The following RIN3 variants were observed in gnomAD, a reference collection of about 807,000 sequenced individuals.
RIN3 encodes the protein Ras and Rab interactor 3.
RIN3 carries 54 observed loss-of-function variants against 76.3 expected under a neutral mutation model. The ratio of observed to expected loss-of-function variants is 0.71; its 90% CI spans 0.57 to 0.89. RIN3 has a LOEUF of 0.89. Ranked by LOEUF, RIN3 falls within the 40% of genes least tolerant of loss-of-function variation. The pLI, the probability that RIN3 is intolerant of heterozygous loss-of-function variation, is 0.00. For missense variants in RIN3, 1,256 were observed against 1,322.1 expected, an observed-to-expected ratio of 0.95 and a Z score of 0.78; for synonymous variants, 576 against 564.0, an observed-to-expected ratio of 1.02 and a Z score of -0.30.
chr14:92,557,155 C>T lies in RIN3; in HGVS notation c.249+1200C>T, dbSNP rs148267419. Among the ~76,000 whole-genome samples, 91 of 152,362 alleles carry T rather than the reference C, an allele frequency of 6.0e-4. 1 individual carries two copies. The East Asian group carries it at 0.013, about 21-fold the overall frequency. ...CGTAGCGGCAAGCATTCCCTGAGTACTTGCTTTGCTCCAGGCAGTCTTGCA... is the reference window on the plus strand; with the variant it reads ...CGTAGCGGCAAGCATTCCCTGAGTATTTGCTTTGCTCCAGGCAGTCTTGCA... On this transcript the variant is annotated intron_variant, in intron 2 of 9. Transcript: ENST00000216487.
chr14:92,664,048 G>A (rs918000881), intron 7 of RIN3, among the ~76,000 whole-genome samples: 4 of 152,090 alleles, frequency 2.6e-5, no homozygotes, highest in Non-Finnish European at 5.9e-5. Context: ...TCCCAGCCAC[G>A]TTCCCAACAA....
At chr14:92,592,880 G>T (rs1246228930) in intron 3 of RIN3, among the ~76,000 whole-genome samples, 1 of 151,844 alleles carries the variant, frequency 6.6e-6, no homozygotes, top group Non-Finnish European at 1.5e-5. Flanking sequence ...CGCCATGTTG[G>T]CCAGGCTGGT....
intron 7 of RIN3, among the ~76,000 whole-genome samples, chr14:92,661,132 C>T (rs80019451): frequency 0.09 from 13,733 of 152,298 alleles, 785 homozygotes; most frequent in Middle Eastern, 0.21. Flanking sequence ...AGAAGCCATA[C>T]TCAGTCACTT....
At chr14:92,586,556 T>A (rs1306337186) in intron 3 of RIN3, 2 of 152,090 alleles carry the variant, frequency 1.3e-5, no homozygotes, top group East Asian at 1.9e-4. Context: ...GAATTTCTTT[T>A]AAAAAAAATA....
intron 4 of RIN3, among the ~76,000 whole-genome samples, chr14:92,630,008 T>C (rs1468861031): frequency 6.6e-6 from 1 of 152,164 alleles, no homozygotes; most frequent in African/African-American, 2.4e-5. Flanking sequence ...CTCCTAACCA[T>C]AGTGGAAGAA....
intron 3 of RIN3, among the ~76,000 whole-genome samples, chr14:92,606,907 A>G (rs533370802): frequency 9.6e-4 from 110 of 114,066 alleles, no homozygotes; most frequent in African/African-American, 2.9e-3. Context: ...TACCCAAGAG[A>G]AGTAAAAACA....
chr14:92,625,323 G>A (rs1886315635), intron 4 of RIN3, among the ~76,000 whole-genome samples: 1 of 152,170 alleles, frequency 6.6e-6, no homozygotes, highest in Non-Finnish European at 1.5e-5. Flanking sequence ...TCTTCCTGAT[G>A]AGGATGGATG....
intron 1 of RIN3, among the ~76,000 whole-genome samples, chr14:92,554,629 A>G (rs1396516407): frequency 1.3e-5 from 2 of 152,230 alleles, no homozygotes; most frequent in Non-Finnish European, 2.9e-5. Flanking sequence ...ACACATTTAA[A>G]ATATTATCTT....
At chr14:92,619,558 G>A (rs1341615036) in intron 4 of RIN3, among the ~76,000 whole-genome samples, 1 of 147,004 alleles carries the variant, frequency 6.8e-6, no homozygotes, top group Non-Finnish European at 1.5e-5. Context: ...TCCTGCCTCA[G>A]CCTCCCGAGC....
At chr14:92,537,429 G>GACAAT (rs1377264506) in intron 1 of RIN3, among the ~76,000 whole-genome samples, 1 of 152,060 alleles carries the variant, frequency 6.6e-6, no homozygotes, top group African/African-American at 2.4e-5. Flanking sequence ...CTCCATTACA[G>GACAAT]ACAATGCTCC....
At chr14:92,612,982 G>A (rs1004498807) in intron 3 of RIN3, among the ~76,000 whole-genome samples, 1 of 152,228 alleles carries the variant, frequency 6.6e-6, no homozygotes, top group African/African-American at 2.4e-5. Context: ...GGGCACAGAA[G>A]GGGGTGTGAC....
chr14:92,654,764 C>A (rs1395284377), intron 6 of RIN3, among the ~76,000 whole-genome samples: 1 of 152,194 alleles, frequency 6.6e-6, no homozygotes, highest in Non-Finnish European at 1.5e-5. Flanking sequence ...ATTGGGCACC[C>A]AACTCCGCAT....
chr14:92,565,337 A>C (rs1347501632), intron 2 of RIN3, among the ~76,000 whole-genome samples: 2 of 152,202 alleles, frequency 1.3e-5, no homozygotes, highest in Non-Finnish European at 2.9e-5. Flanking sequence ...AAGTGTTACC[A>C]GAAAGGGGTC....
At chr14:92,543,641 TTTTA>T (rs1161430876) in intron 1 of RIN3, among the ~76,000 whole-genome samples, 1 of 133,012 alleles carries the variant, frequency 7.5e-6, no homozygotes, top group Non-Finnish European at 1.7e-5. Flanking sequence ...TTTTTTTTTT[TTTTA>T]AATCTTGGCT....
intron 5 of RIN3, 74 bp downstream of exon 5, chr14:92,641,403 C>A: frequency 1.7e-6 from 2 of 1,151,858 alleles, no homozygotes; most frequent in Non-Finnish European, 2.6e-6. Context: ...CCCCAGGGGC[C>A]GCCTGTGCAG....
chr14:92,665,626 C>A (rs904600157), intron 7 of RIN3, among the ~76,000 whole-genome samples: 43 of 152,132 alleles, frequency 2.8e-4, no homozygotes, highest in Non-Finnish European at 4.7e-4. Context: ...CATGATCCAC[C>A]CACCTCGGCC....
intron 6 of RIN3, 131 bp from the exon 7 acceptor site, chr14:92,659,030 A>G (rs1450109572): frequency 4.9e-6 from 4 of 823,936 alleles, no homozygotes; most frequent in Non-Finnish European, 6.0e-6. Context: ...ACCACAGGGT[A>G]TAACTGCTGG....
Position 92,659,468 on chromosome 14 carries a change from A to T in RIN3, c.2334A>T (p.Pro778=). 1 of 1,596,464 alleles carries T rather than the reference A, an allele frequency of 6.3e-7. No individual in the cohort carries two copies. The highest frequency in any genetic ancestry group is 1.3e-5 in the African/African-American group (1 of 74,512). The change falls in exon 7 of 10, where the codon CCA becomes CCT. Residue 778 remains proline, a splice_region_variant and synonymous_variant. Coordinates refer to ENST00000216487, the MANE Select transcript of RIN3 (RefSeq NM_024832.5). ...ACGACTCCATGGCCCTCGGCAACCC[A>T]GGTCAGTGGGCAGCCGGGAGGGGTC... ...LIYDSMALGN[P]GKPYGADDFL... is the part of the protein sequence containing the mutation.
intron 8 of RIN3, among the ~76,000 whole-genome samples, chr14:92,677,166 ATGAG>A: frequency 6.6e-6 from 1 of 152,246 alleles, no homozygotes. Flanking sequence ...AGTTAATGAT[ATGAG>A]TAAGAAGCCC....
Sources: gnomAD v4.1 joint callset for allele counts (sites outside exome capture counted in the v4.1 genomes callset) on GRCh38, gnomAD v4.1.1 for gene constraint, MANE v1.5 for transcripts, NCBI Gene and HGNC (gene_info 2026-07-23, HGNC 2026-07-21) for gene names.